ERC1: variants seen among roughly 807,000 people sequenced by gnomAD.
The protein encoded by ERC1 is RAB6 interacting protein 2.
A neutral mutation model predicts 132.0 loss-of-function variants in ERC1; 56 were observed. The observed-to-expected ratio is 0.42, with a 90% CI of 0.34 to 0.53. The LOEUF (loss-of-function observed/expected upper bound fraction) is 0.53, where lower values mean the gene tolerates loss of function less well. Ranked by LOEUF, ERC1 falls within the 20% of genes least tolerant of loss-of-function variation. The probability of loss-of-function intolerance (pLI) is 0.03; values close to 1 mark genes in which losing one functional copy is unlikely to be tolerated. For missense variants in ERC1, 1,202 were observed against 1,349.9 expected, an observed-to-expected ratio of 0.89 and a Z score of 1.72; for synonymous variants, 478 against 476.1, an observed-to-expected ratio of 1.00 and a Z score of -0.05.
chr12:1,437,561 G>A lies in ERC1; in HGVS notation c.3025-7001G>A, dbSNP rs576823508. ...TTCCCTATGCACTCCCTTAGATTTC[G>A]TTTGAGTAGCATTTTTTATAATGCA... On this transcript the variant is annotated intron_variant, in intron 17 of 18. Coordinates refer to ENST00000360905, the MANE Select transcript of ERC1 (RefSeq NM_178040.4). Among the ~76,000 whole-genome samples the A allele has an allele frequency of 3.9e-4, 60 of 152,268 alleles. No individual in the cohort carries two copies. In the South Asian group the frequency reaches 6.8e-3, roughly 17 times the overall value.
At chr12:1,284,170 G>C (rs558863367) in intron 14 of ERC1, among the ~76,000 whole-genome samples, 4 of 151,942 alleles carry the variant, frequency 2.6e-5, no homozygotes, top group African/African-American at 9.7e-5. Context: ...CTGTCTTTCC[G>C]TGCCTGGCTT....
At chr12:1,298,167 C>CTAATCTAAA (rs1418045163) in intron 15 of ERC1, among the ~76,000 whole-genome samples, 1 of 152,158 alleles carries the variant, frequency 6.6e-6, no homozygotes, top group Admixed American at 6.5e-5. Flanking sequence ...AGTACAATTT[C>CTAATCTAAA]TAATCTAAAT....
chr12:1,393,933 G>A (rs556132279), intron 16 of ERC1, among the ~76,000 whole-genome samples: 25 of 146,362 alleles, frequency 1.7e-4, no homozygotes, highest in South Asian at 4.5e-4. Flanking sequence ...GGAGAATGGC[G>A]TGAACCCGGG....
intron 18 of ERC1, among the ~76,000 whole-genome samples, chr12:1,489,400 G>GGGT (rs1230665729): frequency 3.3e-5 from 5 of 152,162 alleles, no homozygotes; most frequent in Non-Finnish European, 7.3e-5. Flanking sequence ...TCACTCTGCT[G>GGGT]GGTGGTCGTT....
intron 18 of ERC1, among the ~76,000 whole-genome samples, chr12:1,487,965 T>C (rs941255208): frequency 1.5e-4 from 23 of 151,306 alleles, no homozygotes; most frequent in African/African-American, 3.4e-4. Context: ...GGTGAAGCCC[T>C]GTCTCTACTA....
chr12:1,363,906 T>C (rs2086407570), intron 15 of ERC1, among the ~76,000 whole-genome samples: 1 of 152,156 alleles, frequency 6.6e-6, no homozygotes, highest in Non-Finnish European at 1.5e-5. Context: ...TTTCAGGAGA[T>C]AGAGAAACAT....
chr12:1,199,122 A>G (rs1479856867), intron 12 of ERC1, among the ~76,000 whole-genome samples: 2 of 149,460 alleles, frequency 1.3e-5, no homozygotes, highest in Admixed American at 6.7e-5. Flanking sequence ...ACAATTCAAC[A>G]TGAGATTTGG....
chr12:1,405,146 T>TAAA (rs1555394270), intron 16 of ERC1, among the ~76,000 whole-genome samples: 1 of 142,202 alleles, frequency 7.0e-6, no homozygotes, highest in Admixed American at 7.0e-5. Flanking sequence ...GCTCAAAAAA[T>TAAA]ATAAATAAAT....
intron 12 of ERC1, among the ~76,000 whole-genome samples, chr12:1,211,555 C>A (rs1265032693): frequency 6.6e-6 from 1 of 151,816 alleles, no homozygotes; most frequent in Non-Finnish European, 1.5e-5. Context: ...TGGATATAAT[C>A]AGAACTTTTT....
chr12:1,320,408 T>C (rs2082034275), intron 15 of ERC1, among the ~76,000 whole-genome samples: 1 of 152,198 alleles, frequency 6.6e-6, no homozygotes, highest in Admixed American at 6.5e-5. Flanking sequence ...GACTTTTATA[T>C]TTGAGATATC....
chr12:1,227,187 T>C (rs11833028), intron 12 of ERC1, among the ~76,000 whole-genome samples: 4,635 of 152,310 alleles, frequency 0.03, 94 homozygotes, highest in South Asian at 0.058. Flanking sequence ...CTGTTTCTAA[T>C]GTTTAGAGGA....
intron 12 of ERC1, among the ~76,000 whole-genome samples, chr12:1,236,014 TC>T (rs2075387675): frequency 6.7e-6 from 1 of 149,810 alleles, no homozygotes; most frequent in South Asian, 2.1e-4. Flanking sequence ...GGTCTAAGTC[TC>T]GAAACCTATT....
intron 11 of ERC1, among the ~76,000 whole-genome samples, chr12:1,188,762 T>G (rs2154276269): frequency 6.6e-6 from 1 of 152,324 alleles, no homozygotes; most frequent in Middle Eastern, 3.4e-3. Context: ...CAGAGCTTTC[T>G]GAAATATTTC....
intron 8 of ERC1, among the ~76,000 whole-genome samples, chr12:1,176,535 T>A (rs534726261): frequency 6.6e-6 from 1 of 152,112 alleles, no homozygotes; most frequent in African/African-American, 2.4e-5. Context: ...AACAAGAGAG[T>A]CATCCTCTTC....
intron 12 of ERC1, among the ~76,000 whole-genome samples, chr12:1,230,733 A>G (rs1391705821): frequency 6.6e-6 from 1 of 152,068 alleles, no homozygotes; most frequent in African/African-American, 2.4e-5. Context: ...TTTGCTTTAT[A>G]TTTTTAGGTG....
chr12:1,010,235 A>C (rs1018430420), intron 1 of ERC1, among the ~76,000 whole-genome samples: 1 of 152,168 alleles, frequency 6.6e-6, no homozygotes, highest in South Asian at 2.1e-4. Flanking sequence ...AATCCCAGCA[A>C]TTTGGGAGGC....
intron 17 of ERC1, among the ~76,000 whole-genome samples, chr12:1,441,275 G>A (rs2093145193): frequency 6.6e-6 from 1 of 151,458 alleles, no homozygotes; most frequent in Admixed American, 6.6e-5. Flanking sequence ...TGGCCAGGCT[G>A]GTCTCGAACT....
At chr12:1,481,511 A>G (rs7313155) in intron 18 of ERC1, among the ~76,000 whole-genome samples, 53,431 of 152,092 alleles carry the variant, frequency 0.35, 10,131 homozygotes, top group African/African-American at 0.5. Context: ...CCAAGAAAAA[A>G]TAGAATGGAT....
chr12:1,486,187 C>T (rs1021357381), intron 18 of ERC1, among the ~76,000 whole-genome samples: 6 of 152,104 alleles, frequency 3.9e-5, no homozygotes, highest in African/African-American at 1.4e-4. Context: ...TATATTTATA[C>T]TTCAGTATAA....
Sources: gnomAD v4.1 joint callset for allele counts (sites outside exome capture counted in the v4.1 genomes callset) on GRCh38, gnomAD v4.1.1 for gene constraint, MANE v1.5 for transcripts, NCBI Gene and HGNC (gene_info 2026-07-23, HGNC 2026-07-21) for gene names.